Variants in CAMTA1 observed in about 807,000 individuals in gnomAD.
CAMTA1 encodes calmodulin binding transcription activator 1.
CAMTA1 carries 27 observed loss-of-function variants against 170.9 expected under a neutral mutation model. The observed-to-expected ratio is 0.16, with a 90% CI of 0.12 to 0.22. The LOEUF (loss-of-function observed/expected upper bound fraction) is 0.22. Ranked by LOEUF, CAMTA1 falls within the 10% of genes least tolerant of loss-of-function variation. The pLI is 1.00. For synonymous variants in CAMTA1, 833 were observed against 891.5 expected, an observed-to-expected ratio of 0.93 and a Z score of 1.17; for missense variants, 1,619 against 2,217.2, an observed-to-expected ratio of 0.73 and a Z score of 5.42.
intron 4 of CAMTA1, among the ~76,000 whole-genome samples, chr1:7,201,267 A>G (rs910985127): frequency 1.3e-5 from 2 of 152,238 alleles, no homozygotes; most frequent in South Asian, 2.1e-4. Flanking sequence ...ATTTCATTAT[A>G]TGGATATAAC....
rs138952643 is a variant in CAMTA1, at chr1:6,865,660, A to G, written c.234+40450A>G. On this transcript the variant is annotated intron_variant, in intron 3 of 22. Transcript: ENST00000303635. ...ACAGAACTAATGGTTTTTGCCTTTG[A>G]GGTCCTGAGTACTAGCCTAAGTAGT... 2.6e-5 allele frequency among the ~76,000 whole-genome samples: 4 copies of G among 152,348 alleles called. No homozygotes were observed. In the East Asian group the frequency reaches 7.7e-4, roughly 29 times the overall value.
In CAMTA1 at chr1:7,446,203, A is replaced by T. The variant is rs192120057; in HGVS notation, c.439-21627A>T. On this transcript the variant is annotated intron_variant, in intron 5 of 22. Transcript: ENST00000303635. ...TGTGAAAAAAAAAAAAAAGCCTAGC[A>T]AACACTGAGAGACCTAGAGGAAGTG... Among the ~76,000 whole-genome samples, 3 of 151,484 alleles carry T rather than the reference A, an allele frequency of 2.0e-5. No homozygotes were observed. The East Asian group carries it at 5.8e-4, about 29-fold the overall frequency.
At chr1:7,727,865 C>G (rs1026399251) in intron 11 of CAMTA1, among the ~76,000 whole-genome samples, 2 of 152,214 alleles carry the variant, frequency 1.3e-5, no homozygotes, top group African/African-American at 4.8e-5. Flanking sequence ...GCCCTGGCCC[C>G]GTGCAGAGGA....
chr1:6,813,925 A>G (rs146747528), intron 1 of CAMTA1, among the ~76,000 whole-genome samples: 203 of 152,246 alleles, frequency 1.3e-3, no homozygotes, highest in Non-Finnish European at 2.3e-3. Flanking sequence ...TTCCACCACC[A>G]TCACCAGGAC....
chr1:7,011,833 G>A (rs1015555769), intron 3 of CAMTA1, among the ~76,000 whole-genome samples: 2 of 152,210 alleles, frequency 1.3e-5, no homozygotes, highest in African/African-American at 4.8e-5. Flanking sequence ...TATGCTGGCT[G>A]TGACCTTGCC....
intron 11 of CAMTA1, among the ~76,000 whole-genome samples, chr1:7,718,988 C>A (rs947282506): frequency 6.6e-6 from 1 of 151,722 alleles, no homozygotes; most frequent in Admixed American, 6.6e-5. Context: ...TCACTGTGCA[C>A]TGAAACTGTT....
intron 3 of CAMTA1, among the ~76,000 whole-genome samples, chr1:7,020,146 G>T (rs1482093098): frequency 3.3e-5 from 5 of 152,242 alleles, no homozygotes; most frequent in Admixed American, 3.3e-4. Flanking sequence ...CTGTTCAGGA[G>T]TATGAATTGG....
intron 7 of CAMTA1, among the ~76,000 whole-genome samples, chr1:7,643,288 G>C (rs1030306954): frequency 6.6e-6 from 1 of 152,190 alleles, no homozygotes; most frequent in Non-Finnish European, 1.5e-5. Context: ...CTGGACAGAG[G>C]CCCCATCCAT....
At chr1:7,506,578 C>T (rs61052045) in intron 6 of CAMTA1, among the ~76,000 whole-genome samples, 4,881 of 152,206 alleles carry the variant, frequency 0.032, 188 homozygotes, top group East Asian at 0.15. Context: ...AAAATTCACA[C>T]GCACACTCAC....
intron 3 of CAMTA1, among the ~76,000 whole-genome samples, chr1:6,995,976 T>G (rs1006158423): frequency 1.3e-5 from 2 of 152,204 alleles, no homozygotes; most frequent in African/African-American, 4.8e-5. Context: ...AACAGTGGTA[T>G]GAGTGAGAGC....
At position 6,985,002 on chromosome 1, in the gene CAMTA1, G is replaced by T. The variant is rs914557817; in HGVS notation, c.235-106302G>T. ...ACCAGTTTTACGTAGACTGCCTATGGGTCTGACTTCCAGTTTTGGCTGAAG... is the reference window on the plus strand; with the variant it reads ...ACCAGTTTTACGTAGACTGCCTATGTGTCTGACTTCCAGTTTTGGCTGAAG... On this transcript the variant is annotated intron_variant, in intron 3 of 22. Transcript: ENST00000303635. Among the ~76,000 whole-genome samples the T allele has an allele frequency of 3.3e-5, 5 of 152,306 alleles. No individual in the cohort carries two copies. The East Asian group carries it at 9.6e-4, about 29-fold the overall frequency.
At chr1:7,131,522 C>CTTTTT (rs58819912) in intron 4 of CAMTA1, among the ~76,000 whole-genome samples, 4 of 126,694 alleles carry the variant, frequency 3.2e-5, no homozygotes, top group Non-Finnish European at 5.2e-5. Context: ...ATCGTCTTTT[C>CTTTTT]TTTTTTTTTT....
chr1:7,678,120 C>T (rs4908677), intron 11 of CAMTA1, among the ~76,000 whole-genome samples: 75,996 of 152,084 alleles, frequency 0.5, 19,175 homozygotes, highest in African/African-American at 0.56. Flanking sequence ...CCTGTTTCCG[C>T]GGGCTCCTGG....
intron 5 of CAMTA1, among the ~76,000 whole-genome samples, chr1:7,363,847 C>A (rs992304263): frequency 6.6e-6 from 1 of 151,910 alleles, no homozygotes; most frequent in African/African-American, 2.4e-5. Flanking sequence ...TCTACTAAAC[C>A]TGCTTCACCC....
At chr1:7,072,113 A>T (rs995065899) in intron 3 of CAMTA1, among the ~76,000 whole-genome samples, 6 of 152,174 alleles carry the variant, frequency 3.9e-5, no homozygotes, top group Non-Finnish European at 7.3e-5. Flanking sequence ...CTCAATGCTG[A>T]CCTATCCCAG....
intron 4 of CAMTA1, among the ~76,000 whole-genome samples, chr1:7,212,693 A>G (rs1659001191): frequency 6.6e-6 from 1 of 152,188 alleles, no homozygotes; most frequent in Non-Finnish European, 1.5e-5. Context: ...GGCACAATTA[A>G]GATACAGAAC....
At chr1:6,903,230 G>C (rs1677525000) in intron 3 of CAMTA1, among the ~76,000 whole-genome samples, 1 of 152,200 alleles carries the variant, frequency 6.6e-6, no homozygotes, top group Non-Finnish European at 1.5e-5. Flanking sequence ...GATCAAAAGT[G>C]TTTTCTTAAG....
At chr1:7,259,028 T>C (rs1667806781) in intron 5 of CAMTA1, among the ~76,000 whole-genome samples, 1 of 151,776 alleles carries the variant, frequency 6.6e-6, no homozygotes. Context: ...GGGAGAAAAA[T>C]TTTACCAAAC....
At chr1:6,964,719 T>C (rs1280233413) in intron 3 of CAMTA1, among the ~76,000 whole-genome samples, 2 of 152,244 alleles carry the variant, frequency 1.3e-5, no homozygotes, top group Admixed American at 1.3e-4. Flanking sequence ...TTTGCTTTGG[T>C]CCCTTTGAGG....
Sources: gnomAD v4.1 joint callset for allele counts (sites outside exome capture counted in the v4.1 genomes callset) on GRCh38, gnomAD v4.1.1 for gene constraint, MANE v1.5 for transcripts, NCBI Gene and HGNC (gene_info 2026-07-23, HGNC 2026-07-21) for gene names.